Variants in RBFOX1 observed in about 807,000 individuals in gnomAD.
The protein encoded by RBFOX1 is RNA binding protein fox-1 homolog 1.
A neutral mutation model predicts 57.7 loss-of-function variants in RBFOX1; 8 were observed. The observed-to-expected ratio is 0.14, with a 90% confidence interval of 0.08 to 0.25. RBFOX1 has a LOEUF of 0.25. RBFOX1 is among the 10% of genes least tolerant of loss of function. The pLI is 1.00. For synonymous variants in RBFOX1, 326 were observed against 222.4 expected (o/e 1.47, Z -4.15); for missense variants, 611 against 548.5 (o/e 1.11, Z -1.14).
At chr16:7,504,757 A>ATATATATATATATT (rs2072498460) in intron 4 of RBFOX1, among the ~76,000 whole-genome samples, 4 of 9,382 alleles carry the variant, frequency 4.3e-4, no homozygotes, top group East Asian at 1.0e-3. Context: ...ATATATATTT[A>ATATATATATATATT]TATATATATA....
At chr16:7,189,787 C>G (rs13332831) in intron 4 of RBFOX1, among the ~76,000 whole-genome samples, 1 of 152,324 alleles carries the variant, frequency 6.6e-6, no homozygotes, top group Non-Finnish European at 1.5e-5. Context: ...CCCTATGCAT[C>G]CAGCAAGTAA....
intron 4 of RBFOX1, among the ~76,000 whole-genome samples, chr16:7,083,663 G>T (rs1433062106): frequency 6.6e-6 from 1 of 152,070 alleles, no homozygotes; most frequent in Non-Finnish European, 1.5e-5. Flanking sequence ...TTTAAATCCA[G>T]ATTCTTATCC....
intron 3 of RBFOX1, among the ~76,000 whole-genome samples, chr16:5,771,927 A>C (rs1390526091): frequency 6.6e-6 from 1 of 152,172 alleles, no homozygotes; most frequent in East Asian, 1.9e-4. Flanking sequence ...TAATCCCAGC[A>C]CTTTGGGAGG....
intron 5 of RBFOX1, among the ~76,000 whole-genome samples, chr16:7,555,293 A>G (rs1434796239): frequency 6.6e-6 from 1 of 152,214 alleles, no homozygotes; most frequent in Admixed American, 6.5e-5. Flanking sequence ...TGTAAATGCA[A>G]CTTGATGTCC....
intron 2 of RBFOX1, among the ~76,000 whole-genome samples, chr16:5,475,489 A>C (rs7192840): frequency 6.6e-6 from 1 of 152,008 alleles, no homozygotes; most frequent in African/African-American, 2.4e-5. Flanking sequence ...CCTTCTTCCA[A>C]CCTCTTCCCA....
At chr16:5,868,999 T>C (rs2057404830) in intron 4 of RBFOX1, among the ~76,000 whole-genome samples, 1 of 152,172 alleles carries the variant, frequency 6.6e-6, no homozygotes, top group African/African-American at 2.4e-5. Flanking sequence ...GTATAGGCTA[T>C]GATGATCCCT....
At chr16:5,975,219 C>T (rs970247856) in intron 4 of RBFOX1, among the ~76,000 whole-genome samples, 1 of 152,104 alleles carries the variant, frequency 6.6e-6, no homozygotes, top group African/African-American at 2.4e-5. Flanking sequence ...CTTGGGATGG[C>T]CCTGATAAAT....
Position 7,141,015 on chromosome 16 carries a change from C to T in RBFOX1, c.27+88917C>T, listed in dbSNP as rs570292390. On this transcript the variant is annotated intron_variant, in intron 4 of 15. Coordinates refer to ENST00000550418, the MANE Select transcript of RBFOX1 (RefSeq NM_018723.4). ...TCGTTGGAAGTAATAATGAAGCCTC[C>T]TCCAGCTTTGCAGAGCTCTGCCAGG... 6.6e-5 allele frequency among the ~76,000 whole-genome samples: 10 copies of T among 152,282 alleles called. No homozygotes were observed. In the South Asian group the frequency reaches 1.2e-3, roughly 19 times the overall value.
In RBFOX1 at chr16:6,840,714, C is replaced by T. The variant is rs1001672245; in HGVS notation, c.-16+186064C>T. ...CCATCCTGGCCAACATGGTGAAACC[C>T]CGTCTCTACTACAAATACAAAAATT... On this transcript the variant is annotated intron_variant, in intron 3 of 15. Transcript: ENST00000550418. Among the ~76,000 whole-genome samples, 4 of 151,754 alleles carry T rather than the reference C, an allele frequency of 2.6e-5. No homozygotes were observed. The South Asian group carries it at 8.3e-4, about 32-fold the overall frequency.
chr16:7,033,727 C>A (rs191033306), intron 3 of RBFOX1, among the ~76,000 whole-genome samples: 141 of 152,212 alleles, frequency 9.3e-4, no homozygotes, highest in African/African-American at 3.3e-3. Flanking sequence ...GGCGTGGCGA[C>A]TTATGCCTGT....
chr16:6,503,060 T>C (rs2095984416), intron 2 of RBFOX1, among the ~76,000 whole-genome samples: 1 of 152,170 alleles, frequency 6.6e-6, no homozygotes, highest in Non-Finnish European at 1.5e-5. Context: ...TATAAAGATT[T>C]AGACATATGG....
At chr16:5,897,136 A>G (rs1412073936) in intron 4 of RBFOX1, among the ~76,000 whole-genome samples, 1 of 148,774 alleles carries the variant, frequency 6.7e-6, no homozygotes, top group Admixed American at 6.9e-5. Context: ...CCCGGGTTCA[A>G]GCGATTCTCC....
intron 3 of RBFOX1, among the ~76,000 whole-genome samples, chr16:5,687,085 GA>G (rs1487446309): frequency 6.6e-6 from 1 of 152,162 alleles, no homozygotes; most frequent in African/African-American, 2.4e-5. Flanking sequence ...GAGTTAATAT[GA>G]GCCAAATAAG....
Position 5,320,887 on chromosome 16 carries a change from G to A in RBFOX1, c.219+80782G>A, listed in dbSNP as rs199663973. On this transcript the variant is annotated intron_variant, in intron 1 of 2. Transcript: ENST00000585867. ...GCAGCTGAACCCACCATTACATTCT[G>A]TCTCCTGCTGTTGCCCCAGGGGCGG... Among the ~76,000 whole-genome samples the A allele has an allele frequency of 2.6e-5, 4 of 152,320 alleles. No homozygotes were observed. In the East Asian group the frequency reaches 7.7e-4, roughly 29 times the overall value.
intron 3 of RBFOX1, among the ~76,000 whole-genome samples, chr16:5,701,580 G>A (rs888677025): frequency 2.6e-5 from 4 of 152,056 alleles, no homozygotes; most frequent in South Asian, 2.1e-4. Flanking sequence ...CAGGCACACT[G>A]TACCACACCT....
intron 1 of RBFOX1, among the ~76,000 whole-genome samples, chr16:6,110,372 A>G (rs2152572175): frequency 6.6e-6 from 1 of 152,242 alleles, no homozygotes; most frequent in Admixed American, 6.5e-5. Flanking sequence ...AGGCACTGAA[A>G]AAATTATAAA....
chr16:7,133,043 T>G (rs568465078), intron 4 of RBFOX1, among the ~76,000 whole-genome samples: 1 of 152,280 alleles, frequency 6.6e-6, no homozygotes, highest in African/African-American at 2.4e-5. Context: ...TCATGTGCCT[T>G]GGTATTTTCT....
intron 1 of RBFOX1, among the ~76,000 whole-genome samples, chr16:5,407,558 G>A (rs2066900223): frequency 6.6e-6 from 1 of 151,962 alleles, no homozygotes; most frequent in Non-Finnish European, 1.5e-5. Context: ...CAAGGCCTTT[G>A]GGCTTTTTGT....
chr16:7,349,718 A>C (rs1258044098), intron 4 of RBFOX1, among the ~76,000 whole-genome samples: 3 of 152,168 alleles, frequency 2.0e-5, no homozygotes. Context: ...GTAAATATTT[A>C]TTCAACATTC....
Sources: gnomAD v4.1 joint callset for allele counts (sites outside exome capture counted in the v4.1 genomes callset) on GRCh38, gnomAD v4.1.1 for gene constraint, MANE v1.5 for transcripts, NCBI Gene and HGNC (gene_info 2026-07-23, HGNC 2026-07-21) for gene names.